Variants in PACRG observed in about 807,000 individuals in gnomAD.
PACRG encodes the protein parkin coregulated gene protein.
PACRG carries 29 observed loss-of-function variants against 29.7 expected under a neutral mutation model. The observed-to-expected ratio is 0.98, with a 90% confidence interval of 0.73 to 1.33. PACRG has a LOEUF of 1.33. Among genes scored for constraint, PACRG ranks in the 40% most tolerant of loss-of-function variants. The probability of loss-of-function intolerance (pLI) is 0.00; values close to 1 mark genes in which losing one functional copy is unlikely to be tolerated. For synonymous variants in PACRG, 116 were observed against 118.7 expected, an observed-to-expected ratio of 0.98 and a Z score of 0.15; for missense variants, 279 against 316.2, an observed-to-expected ratio of 0.88 and a Z score of 0.89.
chr6:163,222,999 T>C (rs1781648602), intron 4 of PACRG, among the ~76,000 whole-genome samples: 1 of 152,236 alleles, frequency 6.6e-6, no homozygotes, highest in African/African-American at 2.4e-5. Flanking sequence ...TTTAACTTAG[T>C]GTACAGATTG....
intron 2 of PACRG, among the ~76,000 whole-genome samples, chr6:162,924,058 T>A (rs1390434926): frequency 6.6e-6 from 1 of 152,042 alleles, no homozygotes; most frequent in Non-Finnish European, 1.5e-5. Flanking sequence ...TCTTCTTCAA[T>A]TTCTTCCGCC....
intron 2 of PACRG, among the ~76,000 whole-genome samples, chr6:162,826,112 T>C (rs1397281890): frequency 2.0e-5 from 3 of 152,218 alleles, no homozygotes; most frequent in Non-Finnish European, 4.4e-5. Flanking sequence ...CCAATTCTAA[T>C]ACTTCCTCAA....
intron 4 of PACRG, among the ~76,000 whole-genome samples, chr6:163,114,509 G>A (rs1815874088): frequency 6.6e-6 from 1 of 152,098 alleles, no homozygotes; most frequent in Admixed American, 6.5e-5. Flanking sequence ...ATATATATAT[G>A]CATGTTATTC....
chr6:163,005,412 T>A (rs1305486126), intron 2 of PACRG, among the ~76,000 whole-genome samples: 2 of 152,000 alleles, frequency 1.3e-5, no homozygotes, highest in East Asian at 3.8e-4. Context: ...TTCAGACCTT[T>A]CTTCTTCTTT....
At chr6:162,781,308 A>C (rs1331563544) in intron 1 of PACRG, among the ~76,000 whole-genome samples, 2 of 151,966 alleles carry the variant, frequency 1.3e-5, no homozygotes, top group Admixed American at 6.6e-5. Flanking sequence ...GTGAAATAAC[A>C]AGTTGTTTTC....
At chr6:162,727,306 G>A, upstream of PACRG, 2 of 347,122 alleles carry the variant, frequency 5.8e-6, no homozygotes, top group Non-Finnish European at 1.0e-5. Context: ...AGGGGCGGCG[G>A]CGGGGCGAAG....
At chr6:162,801,607 C>A (rs1361468437) in intron 1 of PACRG, among the ~76,000 whole-genome samples, 3 of 152,086 alleles carry the variant, frequency 2.0e-5, no homozygotes, top group African/African-American at 2.4e-5. Flanking sequence ...CTAGTCTCTG[C>A]AAGTACTTTA....
intron 2 of PACRG, among the ~76,000 whole-genome samples, chr6:162,983,114 G>C (rs1802569549): frequency 6.6e-6 from 1 of 151,886 alleles, no homozygotes; most frequent in African/African-American, 2.4e-5. Flanking sequence ...TCTGACCTAA[G>C]AATAGCTCCT....
intron 4 of PACRG, among the ~76,000 whole-genome samples, chr6:163,177,304 A>G (rs1401225081): frequency 6.6e-6 from 1 of 152,134 alleles, no homozygotes; most frequent in Non-Finnish European, 1.5e-5. Context: ...GTAATGAAGG[A>G]AAGTGAGCCA....
At chr6:163,099,365 AC>A (rs1411720798) in intron 4 of PACRG, among the ~76,000 whole-genome samples, 1 of 152,208 alleles carries the variant, frequency 6.6e-6, no homozygotes, top group Non-Finnish European at 1.5e-5. Flanking sequence ...ATGTATTTAA[AC>A]GCTCAAAATG....
chr6:163,059,876 T>G (rs1204456885), intron 2 of PACRG, among the ~76,000 whole-genome samples: 3 of 151,960 alleles, frequency 2.0e-5, no homozygotes, highest in Non-Finnish European at 4.4e-5. Flanking sequence ...CCAAAACATA[T>G]AAAGAAAAAA....
Position 162,727,985 on chromosome 6 carries a change from G to T in PACRG, c.-251G>T. ...CGTGTTGACCAGTCGCTTAGCAACC[G>T]GGAGGCTTACCTTTGGAAGCTTGTT... On this transcript the variant is annotated 5_prime_UTR_variant, in exon 1 of 5. Coordinates refer to ENST00000366888, the MANE Select transcript of PACRG (RefSeq NM_001080379.2). 1 of 608,810 alleles carries T rather than the reference G, an allele frequency of 1.6e-6. No individual in the cohort carries two copies. The allele number at this position is 608,810 out of a possible 1,614,324, so 37.7% of individuals were successfully genotyped here.
chr6:162,875,916 C>T (rs568512800), intron 2 of PACRG, among the ~76,000 whole-genome samples: 76 of 152,278 alleles, frequency 5.0e-4, no homozygotes, highest in South Asian at 1.0e-3. Context: ...AGCTTGAACT[C>T]ATGTGTCTAT....
intron 2 of PACRG, among the ~76,000 whole-genome samples, chr6:163,010,736 T>A (rs955769244): frequency 1.3e-5 from 2 of 152,118 alleles, no homozygotes; most frequent in Non-Finnish European, 2.9e-5. Context: ...CGAGAAACAC[T>A]CAATGTATCA....
intron 4 of PACRG, among the ~76,000 whole-genome samples, chr6:163,238,025 GCTGTGGAAGGGAGTATTGCCCCA>G (rs1409896314): frequency 1.3e-5 from 2 of 152,330 alleles, no homozygotes; most frequent in East Asian, 1.9e-4. Context: ...TGAAGGAAGA[GCTGTGGAAGGGAGTATTGCCCCA>G]CTGTGGAAGG....
At chr6:163,175,500 T>C (rs1219799414) in intron 4 of PACRG, among the ~76,000 whole-genome samples, 4 of 151,976 alleles carry the variant, frequency 2.6e-5, no homozygotes, top group Admixed American at 6.6e-5. Context: ...TCCTGAGGGA[T>C]TGTGGTAACA....
chr6:162,972,899 T>G (rs1801648861), intron 2 of PACRG, among the ~76,000 whole-genome samples: 1 of 152,226 alleles, frequency 6.6e-6, no homozygotes, highest in South Asian at 2.1e-4. Context: ...TTCTTTAGAT[T>G]TAAATGTTCA....
chr6:163,114,860 C>CAA (rs35202954), intron 4 of PACRG, among the ~76,000 whole-genome samples: 2,417 of 127,042 alleles, frequency 0.019, 32 homozygotes, highest in Non-Finnish European at 0.03. Context: ...TTCTCAGCAT[C>CAA]AAAAAAAAAA....
At chr6:162,756,816 A>G (rs1434478951) in intron 1 of PACRG, among the ~76,000 whole-genome samples, 1 of 152,010 alleles carries the variant, frequency 6.6e-6, no homozygotes, top group African/African-American at 2.4e-5. Context: ...GAATTATTCT[A>G]TTTGCTTCGT....
Sources: gnomAD v4.1 joint callset for allele counts (sites outside exome capture counted in the v4.1 genomes callset) on GRCh38, gnomAD v4.1.1 for gene constraint, MANE v1.5 for transcripts, NCBI Gene and HGNC (gene_info 2026-07-23, HGNC 2026-07-21) for gene names.